Variants in ARID4A observed in about 807,000 individuals in gnomAD.
ARID4A encodes AT-rich interactive domain-containing protein 4A.
In ARID4A, 39 loss-of-function variants were observed where a neutral mutation model predicts 148.6. The observed-to-expected ratio is 0.26, with a 90% CI of 0.20 to 0.34. The LOEUF (loss-of-function observed/expected upper bound fraction) is 0.34, where lower values mean the gene tolerates loss of function less well. Among genes scored for constraint, ARID4A ranks in the 10% least tolerant of loss-of-function variants. The pLI, the probability that ARID4A is intolerant of heterozygous loss-of-function variation, is 1.00. For missense variants in ARID4A, 1,265 were observed against 1,449.1 expected, an observed-to-expected ratio of 0.87 and a Z score of 2.06; for synonymous variants, 475 against 481.2, an observed-to-expected ratio of 0.99 and a Z score of 0.17.
intron 8 of ARID4A, among the ~76,000 whole-genome samples, chr14:58,327,400 A>G (rs796508715): frequency 6.0e-4 from 91 of 152,328 alleles, no homozygotes; most frequent in African/African-American, 2.2e-3. Context: ...TTATATTGTT[A>G]AGATACTATT....
At chr14:58,357,678 ATTC>A (rs1312800704) in intron 17 of ARID4A, among the ~76,000 whole-genome samples, 3 of 151,030 alleles carry the variant, frequency 2.0e-5, no homozygotes, top group Non-Finnish European at 4.4e-5. Flanking sequence ...GCCCAAGACA[ATTC>A]TTCTTCCATT....
At chr14:58,343,689 G>T (rs1050124306) in intron 11 of ARID4A, among the ~76,000 whole-genome samples, 2 of 152,086 alleles carry the variant, frequency 1.3e-5, no homozygotes, top group African/African-American at 4.8e-5. Context: ...AATTAGCCAG[G>T]TGTAGTGGCA....
intron 16 of ARID4A, among the ~76,000 whole-genome samples, chr14:58,353,220 C>T (rs1421917905): frequency 6.6e-6 from 1 of 152,082 alleles, no homozygotes; most frequent in Non-Finnish European, 1.5e-5. Flanking sequence ...TTTTTACATA[C>T]AAGGTGGCAC....
chr14:58,358,104 A>C (rs1036718444), intron 17 of ARID4A, among the ~76,000 whole-genome samples: 1 of 152,226 alleles, frequency 6.6e-6, no homozygotes, highest in East Asian at 1.9e-4. Context: ...CAGGAGGCTG[A>C]GGTGGGAGGA....
intron 13 of ARID4A, 45 bp downstream of exon 13, chr14:58,346,550 A>C: frequency 7.6e-7 from 1 of 1,324,112 alleles, no homozygotes; most frequent in Non-Finnish European, 1.1e-6. Flanking sequence ...ATGTGGTAAA[A>C]AGTTAAGTTA....
At chr14:58,332,036 G>A (rs1029383730) in intron 11 of ARID4A, among the ~76,000 whole-genome samples, 1 of 132,332 alleles carries the variant, frequency 7.6e-6, no homozygotes, top group South Asian at 2.3e-4. Flanking sequence ...TAAACAAAGA[G>A]GGTAAAAAGA....
At chr14:58,307,785 A>C (rs1372632552) in intron 5 of ARID4A, among the ~76,000 whole-genome samples, 2 of 152,202 alleles carry the variant, frequency 1.3e-5, no homozygotes, top group African/African-American at 4.8e-5. Context: ...GTGCCATTGC[A>C]CTCCAGCCTG....
Position 58,364,667 on chromosome 14 carries a change from C to T in ARID4A, c.2578C>T (p.Leu860=), listed in dbSNP as rs760318630. The T allele has an allele frequency of 6.2e-7, 1 of 1,613,800 alleles. No homozygotes were observed. The highest frequency in any genetic ancestry group is 2.2e-5 in the East Asian group (1 of 44,850). The change falls in exon 20 of 24, where the codon CTA becomes TTA. Residue 860 remains leucine, a synonymous_variant. Coordinates refer to ENST00000355431, the MANE Select transcript of ARID4A (RefSeq NM_002892.4). ...VKEKKLKRKI[L]GQSSPEKKIR... ...AGAAAAGAAGTTGAAACGGAAAATA[C>T]TAGGACAATCATCGCCAGAGAAAAA...
chr14:58,319,422 A>T (rs1483732913), intron 7 of ARID4A, among the ~76,000 whole-genome samples: 2 of 150,782 alleles, frequency 1.3e-5, no homozygotes, highest in African/African-American at 4.9e-5. Context: ...TTTCTATTTT[A>T]AGTGAGTATA....
At chr14:58,319,195 G>T (rs1008883687) in intron 7 of ARID4A, among the ~76,000 whole-genome samples, 3 of 151,930 alleles carry the variant, frequency 2.0e-5, no homozygotes, top group Non-Finnish European at 2.9e-5. Flanking sequence ...GAGAAGCTGG[G>T]ACTACAGGCA....
intron 8 of ARID4A, among the ~76,000 whole-genome samples, chr14:58,327,638 C>A (rs1279276296): frequency 6.6e-6 from 1 of 151,736 alleles, no homozygotes; most frequent in African/African-American, 2.4e-5. Flanking sequence ...AGAATAAATC[C>A]TCATATTTTT....
chr14:58,366,943 A>G lies in ARID4A; in HGVS notation c.3584A>G (p.Glu1195Gly). 6.6e-7 allele frequency: 1 copy of G among 1,521,528 alleles called. No homozygotes were observed. The highest frequency in any genetic ancestry group is 1.4e-5 in the African/African-American group (1 of 69,282). 94.3% of individuals were successfully genotyped at this position (1,521,528 alleles called of 1,614,324 possible). A position where few individuals can be genotyped will look rare whatever the true frequency, so the allele number is the denominator to read the frequency against. ...TCATTTCTCCAAGAAAAACTACAGGAAATCAGAAAATATTATATGTCTTTG... is the reference window on the plus strand; with the variant it reads ...TCATTTCTCCAAGAAAAACTACAGGGAATCAGAAAATATTATATGTCTTTG... ...RISFLQEKLQEIRKYYMSLKS... is the reference protein window; with the variant it reads ...RISFLQEKLQGIRKYYMSLKS... The change falls in exon 23 of 24, where the codon GAA becomes GGA. Residue 1195 changes from glutamate to glycine, a missense_variant. Glu to Gly is a moderately conservative substitution (Grantham distance 98, BLOSUM62 -2). This residue lies in a region of ARID4A where 666 missense variants were observed against 730.9 expected (regional missense o/e 0.91). Transcript: ENST00000355431.
chr14:58,330,259 C>T (rs1301403255), intron 11 of ARID4A, 90 bp downstream of exon 11: 2 of 1,490,990 alleles, frequency 1.3e-6, no homozygotes, highest in Non-Finnish European at 1.8e-6. Flanking sequence ...TGTTTAGATT[C>T]TCTATTATTT....
intron 5 of ARID4A, among the ~76,000 whole-genome samples, chr14:58,311,306 C>T (rs764864076): frequency 3.9e-5 from 6 of 152,130 alleles, no homozygotes; most frequent in Admixed American, 2.0e-4. Context: ...CAAAAGCAGA[C>T]GTACAAATGG....
chr14:58,360,152 C>T (rs548014606), intron 18 of ARID4A, among the ~76,000 whole-genome samples: 1 of 152,148 alleles, frequency 6.6e-6, no homozygotes, highest in African/African-American at 2.4e-5. Context: ...CACATTACCA[C>T]ATTGTTTCAG....
chr14:58,361,943 T>A (rs570597868), intron 19 of ARID4A, among the ~76,000 whole-genome samples: 6 of 152,374 alleles, frequency 3.9e-5, no homozygotes, highest in East Asian at 3.9e-4. Context: ...AAAATTTGAT[T>A]TGAAGAAAAT....
intron 5 of ARID4A, among the ~76,000 whole-genome samples, chr14:58,312,094 A>C (rs1386913101): frequency 6.6e-6 from 1 of 152,200 alleles, no homozygotes; most frequent in Non-Finnish European, 1.5e-5. Flanking sequence ...GAGTGTTCTC[A>C]CCACACACAA....
intron 5 of ARID4A, among the ~76,000 whole-genome samples, chr14:58,316,486 A>G (rs747730717): frequency 2.6e-5 from 4 of 152,228 alleles, no homozygotes; most frequent in Non-Finnish European, 4.4e-5. Flanking sequence ...TCAAAATAAT[A>G]TATTGTTAGT....
At chr14:58,344,405 G>A (rs2034258314) in intron 11 of ARID4A, among the ~76,000 whole-genome samples, 1 of 152,064 alleles carries the variant, frequency 6.6e-6, no homozygotes, top group African/African-American at 2.4e-5. Context: ...TATCAGGTGA[G>A]GTGAAAACGT....
Sources: gnomAD v4.1 joint callset for allele counts (sites outside exome capture counted in the v4.1 genomes callset) on GRCh38, gnomAD v4.1.1 for gene constraint, gnomAD v4.1.1 regional missense constraint, MANE v1.5 for transcripts, NCBI Gene and HGNC (gene_info 2026-07-23, HGNC 2026-07-21) for gene names.